The following MGAT5 variants were observed in gnomAD, a reference collection of about 807,000 sequenced individuals.
The protein encoded by MGAT5 is alpha-1,6-mannosylglycoprotein 6-beta-N-acetylglucosaminyltransferase A.
A neutral mutation model predicts 94.3 loss-of-function variants in MGAT5; 30 were observed. That is an observed-to-expected ratio of 0.32 (90% CI 0.24 to 0.43). MGAT5 has a LOEUF of 0.43. MGAT5 is among the 20% of genes least tolerant of loss of function. MGAT5 has a pLI of 1.00. For synonymous variants in MGAT5, 310 were observed against 322.9 expected (o/e 0.96, Z 0.43); for missense variants, 691 against 905.5 (o/e 0.76, Z 3.04).
At chr2:134,360,869 C>T (rs1339412943) in intron 9 of MGAT5, among the ~76,000 whole-genome samples, 1 of 143,304 alleles carries the variant, frequency 7.0e-6, no homozygotes, top group Admixed American at 7.1e-5. Flanking sequence ...CCAGACTGAA[C>T]ACAACTCCCC....
intron 1 of MGAT5, among the ~76,000 whole-genome samples, chr2:134,120,881 G>C (rs1331054393): frequency 6.6e-6 from 1 of 151,872 alleles, no homozygotes; most frequent in Non-Finnish European, 1.5e-5. Context: ...GGAGGCCCGG[G>C]GGCGCCCCGG....
At chr2:134,273,022 CGCGCGCGCGT>C in intron 2 of MGAT5, among the ~76,000 whole-genome samples, 1 of 148,714 alleles carries the variant, frequency 6.7e-6, no homozygotes, top group Admixed American at 6.7e-5. Flanking sequence ...TGTGTGTGTG[CGCGCGCGCGT>C]GCGCGTGCAT....
At position 134,449,043 on chromosome 2, in the gene MGAT5, G is replaced by A. The variant is rs16830621; in HGVS notation, c.*196G>A. ...GTCTTCACCAAAACAAAACAAGAGC[G>A]TATGTCAGGCCAGGAGCCTGGCTTG... On this transcript the variant is annotated 3_prime_UTR_variant, in exon 16 of 16. Transcript: ENST00000281923. 0.017 allele frequency: 10,420 copies of A among 598,754 alleles called. 325 individuals are homozygous for A. Among genetic ancestry groups the A allele is most frequent in the African/African-American group, 0.089 (4,785 of 53,916 alleles). The allele number at this position is 598,754 out of a possible 1,614,324, so 37.1% of individuals were successfully genotyped here.
Position 134,403,110 on chromosome 2 carries a change from C to T in MGAT5, c.1503C>T (p.Asp501=). 2 of 1,604,874 alleles carry T rather than the reference C, an allele frequency of 1.2e-6. No individual in the cohort carries two copies. The highest frequency in any genetic ancestry group is 1.7e-6 in the Non-Finnish European group (2 of 1,178,098). ...ACCATGGTATCCTCAGTGGACGGGA[C>T]CTGCAGTTCCTTCTTCGAGAAACCA... is the stretch of plus-strand genomic sequence containing the variant. The part of the protein sequence containing the change: ...VKNHGILSGR[D]LQFLLRETKL... The change falls in exon 11 of 16, where the codon GAC becomes GAT. Residue 501 remains aspartate (D), a synonymous_variant. Transcript: ENST00000281923.
chr2:134,366,270 T>C (rs1680423622), intron 10 of MGAT5, among the ~76,000 whole-genome samples: 1 of 152,300 alleles, frequency 6.6e-6, no homozygotes, highest in Non-Finnish European at 1.5e-5. Flanking sequence ...AATGGAAAAT[T>C]GGTCAACTTT....
At chr2:134,348,102 CT>C (rs1689025439) in intron 8 of MGAT5, among the ~76,000 whole-genome samples, 1 of 152,118 alleles carries the variant, frequency 6.6e-6, no homozygotes, top group Admixed American at 6.5e-5. Flanking sequence ...CCTTGTACAT[CT>C]TTTTTTAAAC....
At chr2:134,254,743 T>C (rs1370970983) in intron 1 of MGAT5, 99 bp downstream of exon 1, 3 of 1,473,714 alleles carry the variant, frequency 2.0e-6, no homozygotes, top group Non-Finnish European at 2.8e-6. Context: ...CTGAATGTCC[T>C]TTGCCACTGC....
chr2:134,177,983 G>C (rs530667341), intron 1 of MGAT5, among the ~76,000 whole-genome samples: 18 of 152,178 alleles, frequency 1.2e-4, no homozygotes, highest in African/African-American at 4.3e-4. Context: ...CAGAGGTAAT[G>C]TAATGTGATT....
intron 1 of MGAT5, among the ~76,000 whole-genome samples, chr2:134,187,483 C>T (rs891365529): frequency 6.6e-6 from 1 of 152,216 alleles, no homozygotes; most frequent in African/African-American, 2.4e-5. Context: ...TTCACTCCAG[C>T]CACACACGTT....
chr2:134,402,721 A>T (rs1294787268), intron 10 of MGAT5, among the ~76,000 whole-genome samples: 2 of 152,254 alleles, frequency 1.3e-5, no homozygotes, highest in Non-Finnish European at 1.5e-5. Flanking sequence ...TTGCAAAATT[A>T]TACAGTTGGT....
chr2:134,178,723 T>C (rs1688594045), intron 1 of MGAT5, among the ~76,000 whole-genome samples: 1 of 152,178 alleles, frequency 6.6e-6, no homozygotes, highest in African/African-American at 2.4e-5. Context: ...AGAACTTGAA[T>C]TCTTGATTCC....
At chr2:134,428,922 C>G (rs1234933389) in intron 14 of MGAT5, among the ~76,000 whole-genome samples, 1 of 152,276 alleles carries the variant, frequency 6.6e-6, no homozygotes. Context: ...AAAAGCAGGA[C>G]AAAGCCAAGG....
intron 10 of MGAT5, among the ~76,000 whole-genome samples, chr2:134,377,903 G>C (rs1681286572): frequency 1.3e-5 from 2 of 152,220 alleles, no homozygotes; most frequent in African/African-American, 4.8e-5. Flanking sequence ...GAGGTACCTT[G>C]GGCTTAATTC....
intron 10 of MGAT5, among the ~76,000 whole-genome samples, chr2:134,366,018 C>T (rs1680405945): frequency 6.6e-6 from 1 of 152,086 alleles, no homozygotes; most frequent in African/African-American, 2.4e-5. Context: ...GGGGCATCAA[C>T]TTAGGAACCA....
chr2:134,242,259 T>G (rs75058748), intron 1 of MGAT5, among the ~76,000 whole-genome samples: 1,794 of 152,330 alleles, frequency 0.012, 46 homozygotes, highest in African/African-American at 0.042. Flanking sequence ...TTGGAAAACA[T>G]GTATCCAAAC....
rs1228638045 is a variant in MGAT5, at chr2:134,433,480, G to A, written c.1869+5041G>A. Reference sequence around the variant, plus strand: ...TTTTTTGCTCAGTGGAATTTTGCATGTGTAGAGATAATCCATGGAGATTGC... The same window carrying A: ...TTTTTTGCTCAGTGGAATTTTGCATATGTAGAGATAATCCATGGAGATTGC... On this transcript the variant is annotated intron_variant, in intron 14 of 15. Transcript: ENST00000281923. Among the ~76,000 whole-genome samples, 2 of 152,178 alleles carry A rather than the reference G, an allele frequency of 1.3e-5. 1 individual carries two copies. Among genetic ancestry groups the A allele is most frequent in the Non-Finnish European group, 2.9e-5 (2 of 68,026 alleles).
chr2:134,177,407 CG>C (rs1688530527), intron 1 of MGAT5, among the ~76,000 whole-genome samples: 1 of 152,044 alleles, frequency 6.6e-6, no homozygotes, highest in Non-Finnish European at 1.5e-5. Flanking sequence ...TTTTTAGGGC[CG>C]GGTCTGGCTG....
chr2:134,203,857 G>T (rs1679911851), intron 1 of MGAT5, among the ~76,000 whole-genome samples: 1 of 152,130 alleles, frequency 6.6e-6, no homozygotes, highest in Admixed American at 6.6e-5. Flanking sequence ...GTTTAAGTTG[G>T]CCTCACACCT....
At chr2:134,132,896 C>T (rs935451831) in intron 1 of MGAT5, among the ~76,000 whole-genome samples, 5 of 152,200 alleles carry the variant, frequency 3.3e-5, no homozygotes, top group Admixed American at 6.5e-5. Context: ...ACATTACACC[C>T]GATTGGCTTA....
Sources: gnomAD v4.1 joint callset for allele counts (sites outside exome capture counted in the v4.1 genomes callset) on GRCh38, gnomAD v4.1.1 for gene constraint, MANE v1.5 for transcripts, NCBI Gene and HGNC (gene_info 2026-07-23, HGNC 2026-07-21) for gene names.